NF2: variants seen among roughly 807,000 people sequenced by gnomAD.
The protein encoded by NF2 is merlin.
NF2 carries 8 observed loss-of-function variants against 83.7 expected under a neutral mutation model. The observed-to-expected ratio is 0.10, with a 90% CI of 0.06 to 0.17. NF2 has a LOEUF of 0.17. Among genes scored for constraint, NF2 ranks in the 10% least tolerant of loss-of-function variants. The pLI, the probability that NF2 is intolerant of heterozygous loss-of-function variation, is 1.00. For synonymous variants in NF2, 266 were observed against 269.6 expected (o/e 0.99, Z 0.13); for missense variants, 533 against 744.4 (o/e 0.72, Z 3.31).
At chr22:29,654,607 G>T (rs991351970) in intron 4 of NF2, 50 bp from the exon 5 acceptor site, 9 of 1,489,350 alleles carry the variant, frequency 6.0e-6, no homozygotes, top group Non-Finnish European at 8.4e-6. Flanking sequence ...TTCAGAAATG[G>T]CAGTTATCTT....
At chr22:29,662,155 A>T (rs1013411957) in intron 8 of NF2, among the ~76,000 whole-genome samples, 11 of 152,084 alleles carry the variant, frequency 7.2e-5, no homozygotes, top group African/African-American at 2.7e-4. Flanking sequence ...TTTTTGAGAC[A>T]GGCTCTCATT....
At chr22:29,631,431 T>G (rs1410690797) in intron 1 of NF2, among the ~76,000 whole-genome samples, 1 of 152,212 alleles carries the variant, frequency 6.6e-6, no homozygotes, top group East Asian at 1.9e-4. Context: ...CCAGGTTGCA[T>G]TTTTGTGATC....
chr22:29,629,453 T>C lies in NF2; in HGVS notation c.115-7298T>C, dbSNP rs568315746. ...ATTCAGGTTAGGTTTGGATCTGGTA[T>C]ATTAGCATCTTAAATTCTCAAGTCT... On this transcript the variant is annotated intron_variant, in intron 1 of 15. Coordinates refer to ENST00000338641, the MANE Select transcript of NF2 (RefSeq NM_000268.4). Among the ~76,000 whole-genome samples the C allele has an allele frequency of 1.0e-3, 152 of 152,370 alleles. 4 individuals are homozygous for C. The highest frequency in any genetic ancestry group is 9.0e-4 in the Non-Finnish European group (61 of 68,032).
At chr22:29,632,139 T>A (rs1335076540) in intron 1 of NF2, among the ~76,000 whole-genome samples, 1 of 152,242 alleles carries the variant, frequency 6.6e-6, no homozygotes, top group Non-Finnish European at 1.5e-5. Context: ...TTTATGTATT[T>A]ATTTTTATTT....
chr22:29,632,111 A>G lies in NF2; in HGVS notation c.115-4640A>G, dbSNP rs117841873. 1.5e-3 allele frequency among the ~76,000 whole-genome samples: 222 copies of G among 152,334 alleles called. 4 individuals carry two copies. In the East Asian group the frequency reaches 0.041, roughly 28 times the overall value. On this transcript the variant is annotated intron_variant, in intron 1 of 15. Transcript: ENST00000338641. ...TGGTTCAGATGAGATAGGTAGAGTTAGTTGACAAAGAATTGATTTTATGTA... is the reference window on the plus strand; with the variant it reads ...TGGTTCAGATGAGATAGGTAGAGTTGGTTGACAAAGAATTGATTTTATGTA...
intron 15 of NF2, chr22:29,682,957 T>A (rs2067181237): frequency 6.3e-7 from 1 of 1,596,070 alleles, no homozygotes; most frequent in South Asian, 1.1e-5. Flanking sequence ...AGATGGCACT[T>A]ATGGCATTGT....
chr22:29,612,040 CT>C (rs1421339456), intron 1 of NF2, among the ~76,000 whole-genome samples: 2 of 152,142 alleles, frequency 1.3e-5, no homozygotes, highest in Admixed American at 6.6e-5. Context: ...CGGAGTCTCA[CT>C]CTGTCGTCCA....
At chr22:29,613,008 C>T (rs545898304) in intron 1 of NF2, among the ~76,000 whole-genome samples, 19 of 152,024 alleles carry the variant, frequency 1.2e-4, no homozygotes, top group African/African-American at 4.3e-4. Context: ...GGCAGGGAAT[C>T]GCTTGAACCT....
intron 10 of NF2, among the ~76,000 whole-genome samples, chr22:29,670,005 C>CT (rs564634601): frequency 2.7e-4 from 40 of 148,614 alleles, no homozygotes; most frequent in East Asian, 7.8e-4. Flanking sequence ...GATTACCTGG[C>CT]TTTTTTTTTT....
At chr22:29,645,513 TA>T (rs1431623880) in intron 4 of NF2, among the ~76,000 whole-genome samples, 1 of 152,178 alleles carries the variant, frequency 6.6e-6, no homozygotes, top group African/African-American at 2.4e-5. Context: ...AGAATATTAG[TA>T]AGAGGAAAAA....
chr22:29,644,677 G>A (rs1399389103), intron 4 of NF2, among the ~76,000 whole-genome samples: 3 of 152,188 alleles, frequency 2.0e-5, no homozygotes, highest in African/African-American at 7.2e-5. Flanking sequence ...CCGGCACCTC[G>A]GGAGGCCGAG....
chr22:29,675,700 ACAGATGCACACATGGCC>A lies in NF2; in HGVS notation c.1446+764_1446+780del, dbSNP rs1451014271. On this transcript the variant is annotated intron_variant, in intron 13 of 15. Transcript: ENST00000338641. ...AACATAGGGTATTCAGGGTGAGGGC[ACAGATGCACACATGGCC>A]CAGACTCACACACAGCACAGTCATC... Among the ~76,000 whole-genome samples the A allele has an allele frequency of 3.9e-5, 6 of 152,102 alleles. No homozygotes were observed. The East Asian group carries it at 9.6e-4, about 24-fold the overall frequency.
chr22:29,623,428 T>C (rs557364493), intron 1 of NF2, among the ~76,000 whole-genome samples: 50 of 151,748 alleles, frequency 3.3e-4, no homozygotes, highest in African/African-American at 1.0e-3. Flanking sequence ...GAGAGAGAGG[T>C]TGGAAGTAGG....
intron 9 of NF2, among the ~76,000 whole-genome samples, chr22:29,665,870 G>T (rs1229950003): frequency 6.6e-6 from 1 of 152,012 alleles, no homozygotes; most frequent in Non-Finnish European, 1.5e-5. Flanking sequence ...CCCCAAGGGT[G>T]ATCACTGTTT....
intron 4 of NF2, among the ~76,000 whole-genome samples, chr22:29,650,758 A>G (rs2066126385): frequency 6.6e-6 from 1 of 151,866 alleles, no homozygotes; most frequent in South Asian, 2.1e-4. Context: ...ATGCGCCACC[A>G]TGCCAAGCTA....
At chr22:29,665,246 T>G (rs1569300282) in intron 9 of NF2, among the ~76,000 whole-genome samples, 182 bp downstream of exon 9, 1 of 151,684 alleles carries the variant, frequency 6.6e-6, no homozygotes, top group Non-Finnish European at 1.5e-5. Flanking sequence ...GTTTTTTTTT[T>G]TGTTTTTTTT....
At chr22:29,647,739 G>A (rs2066022411) in intron 4 of NF2, among the ~76,000 whole-genome samples, 3 of 152,068 alleles carry the variant, frequency 2.0e-5, no homozygotes, top group Non-Finnish European at 4.4e-5. Context: ...TCCATGTTGT[G>A]TGTATAGATG....
intron 6 of NF2, 47 bp from the exon 7 acceptor site, chr22:29,658,142 C>T (rs764577072): frequency 6.4e-7 from 1 of 1,571,302 alleles, no homozygotes; most frequent in Non-Finnish European, 8.8e-7. Context: ...CCGCTCTCCA[C>T]CCATCTCACT....
rs771675702 is a variant in NF2, at chr22:29,671,878, G to A, written c.1052G>A (p.Arg351His). The change falls in exon 11 of 16, where the codon CGC becomes CAC. Residue 351 changes from arginine to histidine, a missense_variant. This residue lies in a region of NF2 where 326 missense variants were observed against 475.1 expected (regional missense o/e 0.69). Transcript: ENST00000338641. ...AAGCAGATGAGGGAGGAGGCTGAACGCACGAGGGATGAGTTGGAGAGGAGG... is the reference window on the plus strand; with the variant it reads ...AAGCAGATGAGGGAGGAGGCTGAACACACGAGGGATGAGTTGGAGAGGAGG... The part of the protein sequence containing the change: ...REKQMREEAE[R>H]TRDELERRLL... The A allele has an allele frequency of 2.5e-5, 41 of 1,614,024 alleles. No individual in the cohort carries two copies. The highest frequency in any genetic ancestry group is 3.1e-5 in the Non-Finnish European group (36 of 1,180,030).
Sources: gnomAD v4.1 joint callset for allele counts (sites outside exome capture counted in the v4.1 genomes callset) on GRCh38, gnomAD v4.1.1 for gene constraint, gnomAD v4.1.1 regional missense constraint, MANE v1.5 for transcripts, NCBI Gene and HGNC (gene_info 2026-07-23, HGNC 2026-07-21) for gene names.